The following DST variants were observed in gnomAD, a reference collection of about 807,000 sequenced individuals.
DST encodes bullous pemphigoid antigen.
In DST, 253 loss-of-function variants were observed where a neutral mutation model predicts 875.2. The ratio of observed to expected loss-of-function variants is 0.29; its 90% CI spans 0.26 to 0.32. The LOEUF is 0.32. Among genes scored for constraint, DST ranks in the 10% least tolerant of loss-of-function variants. The pLI, the probability that DST is intolerant of heterozygous loss-of-function variation, is 1.00. For missense variants in DST, 8,287 were observed against 9,111.6 expected, an observed-to-expected ratio of 0.91 and a Z score of 3.68; for synonymous variants, 3,124 against 3,197.1, an observed-to-expected ratio of 0.98 and a Z score of 0.77.
At chr6:56,668,816 G>A (rs911016649) in intron 10 of DST, among the ~76,000 whole-genome samples, 1 of 151,778 alleles carries the variant, frequency 6.6e-6, no homozygotes, top group African/African-American at 2.4e-5. Context: ...GGGCTCCTGA[G>A]TGTGTGTATG....
chr6:56,908,213 A>C (rs1362754638), intron 2 of DST, among the ~76,000 whole-genome samples: 2 of 152,182 alleles, frequency 1.3e-5, no homozygotes, highest in African/African-American at 4.8e-5. Flanking sequence ...ATAAGCTGCT[A>C]CTTATAAAGT....
intron 4 of DST, among the ~76,000 whole-genome samples, chr6:56,793,516 C>T (rs533405552): frequency 6.6e-6 from 1 of 152,026 alleles, no homozygotes; most frequent in African/African-American, 2.4e-5. Flanking sequence ...CTTAAACTAC[C>T]CACAGAGAAT....
At chr6:56,791,679 G>A (rs1486440453) in intron 4 of DST, among the ~76,000 whole-genome samples, 1 of 151,748 alleles carries the variant, frequency 6.6e-6, no homozygotes, top group African/African-American at 2.4e-5. Context: ...CAGCTACTCA[G>A]GAGGCTGAGG....
intron 2 of DST, among the ~76,000 whole-genome samples, chr6:56,943,722 C>T (rs1207737085): frequency 6.6e-6 from 1 of 151,848 alleles, no homozygotes; most frequent in African/African-American, 2.4e-5. Flanking sequence ...CATGAGCCAC[C>T]GCGCCCAGCC....
At chr6:56,716,952 C>T (rs984820570) in intron 5 of DST, among the ~76,000 whole-genome samples, 2 of 152,030 alleles carry the variant, frequency 1.3e-5, no homozygotes, top group African/African-American at 2.4e-5. Flanking sequence ...GAGGCCAAGG[C>T]GGGCGGATCA....
At chr6:56,686,382 A>G (rs1324157086) in intron 9 of DST, among the ~76,000 whole-genome samples, 1 of 152,240 alleles carries the variant, frequency 6.6e-6, no homozygotes, top group African/African-American at 2.4e-5. Context: ...CTCTAACCTC[A>G]GGATCATGCA....
chr6:56,552,532 C>T lies in DST; in HGVS notation c.16260G>A (p.Lys5420=). Reference sequence around the variant, plus strand: ...GAAAGGCTTTTATAGTTTCCTTTTGCTTTTGCAATGTTTCTGCATCTCTCC... The same window carrying T: ...GAAAGGCTTTTATAGTTTCCTTTTGTTTTTGCAATGTTTCTGCATCTCTCC... ...PVGRDAETLQ[K]QKETIKAFLK... is the part of the protein sequence containing the mutation. The change falls in exon 61 of 104, where the codon AAG becomes AAA. Residue 5420 remains lysine (K), a synonymous_variant. Coordinates refer to ENST00000680361, the MANE Select transcript of DST (RefSeq NM_001374736.1). 1 of 1,613,938 alleles carries T rather than the reference C, an allele frequency of 6.2e-7. No individual in the cohort carries two copies. Among genetic ancestry groups the T allele is most frequent in the Non-Finnish European group, 8.5e-7 (1 of 1,179,864 alleles).
intron 4 of DST, among the ~76,000 whole-genome samples, chr6:56,827,115 T>C (rs1360371613): frequency 6.6e-6 from 1 of 152,188 alleles, no homozygotes; most frequent in African/African-American, 2.4e-5. Context: ...GAAATTCACT[T>C]GTCAGTTCCA....
At position 56,954,590 on chromosome 6, in the gene DST, T is replaced by C. The variant is rs1172227783; in HGVS notation, c.-3A>G. 7.4e-7 allele frequency: 1 copy of C among 1,354,284 alleles called. No individual in the cohort carries two copies. The highest frequency in any genetic ancestry group is 9.8e-7 in the Non-Finnish European group (1 of 1,015,674). 83.9% of individuals were successfully genotyped at this position (1,354,284 alleles called of 1,614,324 possible). On this transcript the variant is annotated 5_prime_UTR_variant, in exon 1 of 104. Coordinates refer to ENST00000680361, the MANE Select transcript of DST (RefSeq NM_001374736.1). ...ACGAGGAAAGCCGCGGCGATCATGG[T>C]GCGGGCGAGGCGAGGGCGACTCGAC...
chr6:56,613,556 CA>C (rs1457371581), intron 37 of DST, among the ~76,000 whole-genome samples: 1 of 152,136 alleles, frequency 6.6e-6, no homozygotes, highest in African/African-American at 2.4e-5. Context: ...AAACGTCAGA[CA>C]AGAGCAGGAG....
intron 4 of DST, among the ~76,000 whole-genome samples, chr6:56,799,113 T>C (rs371070642): frequency 2.0e-5 from 3 of 152,194 alleles, no homozygotes; most frequent in African/African-American, 7.2e-5. Context: ...AGAATATACA[T>C]AGGACTTAGT....
chr6:56,735,334 T>C (rs1320857010), intron 4 of DST, 45 bp from the exon 5 acceptor site: 2 of 1,078,442 alleles, frequency 1.9e-6, no homozygotes, highest in Admixed American at 2.1e-5. Flanking sequence ...GTAAAATCTA[T>C]GAATAGATGA....
intron 9 of DST, among the ~76,000 whole-genome samples, chr6:56,680,960 A>G (rs1178777200): frequency 2.0e-5 from 3 of 152,224 alleles, no homozygotes; most frequent in Non-Finnish European, 4.4e-5. Flanking sequence ...ACAATATACA[A>G]TATCATTTTA....
At chr6:56,929,421 TTGA>T (rs1562438672) in intron 2 of DST, among the ~76,000 whole-genome samples, 1 of 152,122 alleles carries the variant, frequency 6.6e-6, no homozygotes. Flanking sequence ...TCAAGATACA[TTGA>T]GTGAATAAAA....
chr6:56,793,163 T>C (rs1296756789), intron 4 of DST, among the ~76,000 whole-genome samples: 1 of 110,780 alleles, frequency 9.0e-6, no homozygotes, highest in East Asian at 3.1e-4. Flanking sequence ...TCCTGGAGGG[T>C]GGGGAAGAGC....
intron 74 of DST, among the ~76,000 whole-genome samples, chr6:56,508,974 T>C (rs567690981): frequency 2.0e-5 from 3 of 152,266 alleles, no homozygotes; most frequent in Non-Finnish European, 4.4e-5. Context: ...CAAACCAAGG[T>C]TCTTCCTGAC....
chr6:56,749,749 G>A (rs2099582106), intron 4 of DST, among the ~76,000 whole-genome samples: 1 of 152,184 alleles, frequency 6.6e-6, no homozygotes, highest in Non-Finnish European at 1.5e-5. Context: ...GCCAGTCACA[G>A]AGTGAGTCAT....
chr6:56,703,147 A>G (rs769103882), intron 7 of DST, among the ~76,000 whole-genome samples: 1 of 152,214 alleles, frequency 6.6e-6, no homozygotes, highest in Non-Finnish European at 1.5e-5. Flanking sequence ...TACATGTGAT[A>G]TATTAGAGAG....
At chr6:56,935,371 G>T (rs537168508) in intron 2 of DST, among the ~76,000 whole-genome samples, 2 of 152,214 alleles carry the variant, frequency 1.3e-5, no homozygotes, top group African/African-American at 4.8e-5. Context: ...TGCCTGCTGC[G>T]TGCAGCTCAC....
Sources: gnomAD v4.1 joint callset for allele counts (sites outside exome capture counted in the v4.1 genomes callset) on GRCh38, gnomAD v4.1.1 for gene constraint, MANE v1.5 for transcripts, NCBI Gene and HGNC (gene_info 2026-07-23, HGNC 2026-07-21) for gene names.